The following TRIQK variants were observed in gnomAD, a reference collection of about 807,000 sequenced individuals.
TRIQK encodes the protein triple QxxK/R motif containing.
TRIQK carries 10 observed loss-of-function variants against 10.8 expected under a neutral mutation model. The ratio of observed to expected loss-of-function variants is 0.92; its 90% CI spans 0.57 to 1.57. TRIQK has a LOEUF of 1.57. TRIQK is among the 40% of genes most tolerant of loss of function. The probability of loss-of-function intolerance (pLI) is 0.00; values close to 1 mark genes in which losing one functional copy is unlikely to be tolerated. For synonymous variants in TRIQK, 33 were observed against 33.7 expected, an observed-to-expected ratio of 0.98 and a Z score of 0.07; for missense variants, 107 against 97.7, an observed-to-expected ratio of 1.09 and a Z score of -0.40.
At chr8:92,954,322 AC>A in intron 2 of TRIQK, 83 bp downstream of exon 2, 1 of 152,044 alleles carries the variant, frequency 6.6e-6, no homozygotes, top group East Asian at 1.9e-4. Context: ...GAAAAAAACA[AC>A]CCAAAGCAAT....
At chr8:93,003,910 G>A (rs1334891691) in intron 1 of TRIQK, among the ~76,000 whole-genome samples, 2 of 152,214 alleles carry the variant, frequency 1.3e-5, no homozygotes, top group African/African-American at 4.8e-5. Context: ...TCATGCTGTT[G>A]CAGGGGGTGT....
At chr8:93,002,817 G>A (rs940859486) in intron 1 of TRIQK, among the ~76,000 whole-genome samples, 5 of 151,574 alleles carry the variant, frequency 3.3e-5, no homozygotes, top group Admixed American at 3.3e-4. Flanking sequence ...CTACTTGGAA[G>A]ACTAAGGCCA....
At chr8:93,013,630 A>G (rs950533179) in intron 1 of TRIQK, among the ~76,000 whole-genome samples, 1 of 148,890 alleles carries the variant, frequency 6.7e-6, no homozygotes, top group African/African-American at 2.5e-5. Context: ...ATTACTCAAC[A>G]TATGATACAA....
chr8:92,909,308 A>G (rs1480409822), intron 3 of TRIQK, among the ~76,000 whole-genome samples: 1 of 151,948 alleles, frequency 6.6e-6, no homozygotes, highest in East Asian at 1.9e-4. Flanking sequence ...GGAGATTACC[A>G]TCAGCATAAC....
chr8:92,982,109 G>GA (rs1207163564), intron 1 of TRIQK, among the ~76,000 whole-genome samples: 1 of 151,356 alleles, frequency 6.6e-6, no homozygotes, highest in African/African-American at 2.4e-5. Context: ...TTTTTCCTTA[G>GA]AAAAATAAAT....
At chr8:92,924,375 G>A (rs958107060) in intron 2 of TRIQK, among the ~76,000 whole-genome samples, 15 of 151,990 alleles carry the variant, frequency 9.9e-5, no homozygotes, top group Non-Finnish European at 1.9e-4. Context: ...ATCTGAATTT[G>A]TCATGTGTTC....
At chr8:92,984,728 C>G (rs1417312366) in intron 1 of TRIQK, among the ~76,000 whole-genome samples, 1 of 151,816 alleles carries the variant, frequency 6.6e-6, no homozygotes, top group Admixed American at 6.6e-5. Context: ...GAAGATATGC[C>G]AGTTTTATGA....
intron 4 of TRIQK, among the ~76,000 whole-genome samples, chr8:92,890,034 G>C (rs1268701387): frequency 2.0e-5 from 3 of 151,762 alleles, no homozygotes; most frequent in South Asian, 2.1e-4. Flanking sequence ...CAATATGCTT[G>C]TTGTTCATTA....
At chr8:93,012,931 G>C (rs987202115) in intron 1 of TRIQK, among the ~76,000 whole-genome samples, 37 of 152,150 alleles carry the variant, frequency 2.4e-4, no homozygotes, top group African/African-American at 7.0e-4. Flanking sequence ...TCAGTGGTCT[G>C]TGTTTTCACA....
At chr8:92,982,375 G>C (rs191672508) in intron 1 of TRIQK, among the ~76,000 whole-genome samples, 1 of 151,890 alleles carries the variant, frequency 6.6e-6, no homozygotes, top group African/African-American at 2.4e-5. Context: ...TATGTATTAC[G>C]TGTTTCTTAT....
intron 2 of TRIQK, chr8:92,922,488 G>C (rs1277759027): frequency 6.6e-6 from 1 of 151,632 alleles, no homozygotes; most frequent in Non-Finnish European, 1.5e-5. Context: ...AAATCACTGA[G>C]GCTATCTGCC....
intron 3 of TRIQK, among the ~76,000 whole-genome samples, chr8:92,911,293 TAGAA>T (rs1809554063): frequency 6.6e-6 from 1 of 150,592 alleles, no homozygotes; most frequent in Admixed American, 6.6e-5. Context: ...AAGAGATAAA[TAGAA>T]AGAATCAAAG....
rs67063066 is a variant in TRIQK, at chr8:92,898,833, GTATATATATATATATATA to G, written c.62-6777_62-6760del. 9.6e-4 allele frequency among the ~76,000 whole-genome samples: 71 copies of G among 73,920 alleles called. 1 individual carries two copies. Among genetic ancestry groups the G allele is most frequent in the South Asian group, 7.4e-3 (13 of 1,758 alleles). 48.5% of individuals were successfully genotyped at this position (73,920 alleles called of 152,430 possible). ...GCAGGTACATAATAGGTGTGTGTGT[GTATATATATATATATATA>G]TATATATATATATATATATATAGAT... is the stretch of plus-strand genomic sequence containing the variant. On this transcript the variant is annotated intron_variant, in intron 3 of 4. Transcript: ENST00000521988.
At chr8:93,017,360 G>A (rs1381762434) in intron 1 of TRIQK, among the ~76,000 whole-genome samples, 1 of 152,132 alleles carries the variant, frequency 6.6e-6, no homozygotes, top group Non-Finnish European at 1.5e-5. Flanking sequence ...TTATGATCAG[G>A]TCTAGGCTGA....
At chr8:92,998,040 G>C (rs1306560127) in intron 1 of TRIQK, among the ~76,000 whole-genome samples, 2 of 151,776 alleles carry the variant, frequency 1.3e-5, no homozygotes, top group Non-Finnish European at 2.9e-5. Context: ...ATTTCTGTAT[G>C]TATATGATTA....
chr8:92,893,112 C>G (rs1479462287), intron 3 of TRIQK, among the ~76,000 whole-genome samples: 1 of 151,854 alleles, frequency 6.6e-6, no homozygotes, highest in African/African-American at 2.4e-5. Context: ...CAAATTCTAA[C>G]ATTAATTTCC....
At chr8:92,965,114 A>C (rs1045553640) in intron 1 of TRIQK, 1 of 152,224 alleles carries the variant, frequency 6.6e-6, no homozygotes, top group Non-Finnish European at 1.5e-5. Flanking sequence ...GTTGATCATT[A>C]AGTATGAGCC....
intron 2 of TRIQK, among the ~76,000 whole-genome samples, chr8:92,952,418 A>AACACACACACAC (rs143129049): frequency 3.4e-5 from 5 of 148,108 alleles, no homozygotes; most frequent in Admixed American, 1.4e-4. Context: ...ACAAAGATAA[A>AACACACACACAC]ACACACACAC....
chr8:92,998,656 A>T (rs1429861466), intron 1 of TRIQK, among the ~76,000 whole-genome samples: 1 of 152,084 alleles, frequency 6.6e-6, no homozygotes, highest in African/African-American at 2.4e-5. Flanking sequence ...TTTTATTAAT[A>T]TCTCAAATAA....
Sources: allele counts gnomAD v4.1 joint callset (sites outside exome capture counted in the v4.1 genomes callset), GRCh38; gene constraint gnomAD v4.1.1; transcripts MANE v1.5; gene names NCBI Gene and HGNC (gene_info 2026-07-23, HGNC 2026-07-21).